Variants in AFF3 observed in about 807,000 individuals in gnomAD.
AFF3 encodes the protein AF4/FMR2 family member 3.
In AFF3, 32 loss-of-function variants were observed where a neutral mutation model predicts 129.7. The ratio of observed to expected loss-of-function variants is 0.25; its 90% CI spans 0.19 to 0.33. The LOEUF is 0.33. Among genes scored for constraint, AFF3 ranks in the 10% least tolerant of loss-of-function variants. The pLI, the probability that AFF3 is intolerant of heterozygous loss-of-function variation, is 1.00. For missense variants in AFF3, 1,373 were observed against 1,592.0 expected (o/e 0.86, Z 2.34); for synonymous variants, 644 against 635.4 (o/e 1.01, Z -0.20).
intron 7 of AFF3, among the ~76,000 whole-genome samples, chr2:99,971,865 A>C (rs186234686): frequency 6.6e-6 from 1 of 152,224 alleles, no homozygotes. Flanking sequence ...CTGGTTAAGA[A>C]AGCTTTATGG....
At chr2:99,761,296 T>C (rs1185103589) in intron 8 of AFF3, among the ~76,000 whole-genome samples, 4 of 151,964 alleles carry the variant, frequency 2.6e-5, no homozygotes, top group Non-Finnish European at 5.9e-5. Context: ...ACACAGAATA[T>C]TGCTCTTCAT....
chr2:99,660,208 G>A (rs1272612428), intron 12 of AFF3, among the ~76,000 whole-genome samples: 1 of 152,190 alleles, frequency 6.6e-6, no homozygotes, highest in African/African-American at 2.4e-5. Flanking sequence ...TAATATGAAA[G>A]CAACTAGCGC....
chr2:99,844,415 G>A (rs867115370), intron 7 of AFF3, among the ~76,000 whole-genome samples: 1 of 148,614 alleles, frequency 6.7e-6, no homozygotes, highest in East Asian at 2.0e-4. Flanking sequence ...CCATCAATAC[G>A]AGAACTATTT....
chr2:99,644,927 C>T (rs551746452), intron 13 of AFF3, among the ~76,000 whole-genome samples: 21 of 152,246 alleles, frequency 1.4e-4, no homozygotes, highest in African/African-American at 4.8e-4. Flanking sequence ...TCAAATACAC[C>T]GACCCACAAG....
At chr2:99,754,515 TTC>T (rs1681926642) in intron 8 of AFF3, among the ~76,000 whole-genome samples, 1 of 152,244 alleles carries the variant, frequency 6.6e-6, no homozygotes, top group African/African-American at 2.4e-5. Flanking sequence ...TGTGCAATTT[TTC>T]TCTGACTGTA....
intron 7 of AFF3, among the ~76,000 whole-genome samples, chr2:99,936,194 T>C (rs914187177): frequency 3.3e-5 from 5 of 152,212 alleles, no homozygotes; most frequent in Non-Finnish European, 7.4e-5. Flanking sequence ...AGGATCTCAG[T>C]TGGCTGGTAC....
At chr2:100,106,385 G>A in intron 2 of AFF3, 1 of 1,093,794 alleles carries the variant, frequency 9.1e-7, no homozygotes, top group Non-Finnish European at 1.1e-6. Flanking sequence ...AAAAAGTACA[G>A]GTGTGAAGGG....
intron 11 of AFF3, among the ~76,000 whole-genome samples, chr2:99,709,778 A>C (rs1228738032): frequency 6.6e-6 from 1 of 152,146 alleles, no homozygotes; most frequent in Non-Finnish European, 1.5e-5. Flanking sequence ...CCACAAGCAA[A>C]TAAATGACAC....
intron 11 of AFF3, among the ~76,000 whole-genome samples, chr2:99,691,149 A>G (rs1575706438): frequency 6.6e-6 from 1 of 151,834 alleles, no homozygotes; most frequent in African/African-American, 2.4e-5. Flanking sequence ...GGACTTCCTC[A>G]CCTCCTATCC....
intron 13 of AFF3, among the ~76,000 whole-genome samples, chr2:99,632,498 G>C (rs947223428): frequency 6.6e-6 from 1 of 152,130 alleles, no homozygotes; most frequent in Non-Finnish European, 1.5e-5. Flanking sequence ...CGGCAGCTAT[G>C]GTCCGTCCAG....
intron 10 of AFF3, among the ~76,000 whole-genome samples, chr2:99,734,825 A>G (rs1459517266): frequency 6.6e-6 from 1 of 152,112 alleles, no homozygotes; most frequent in Non-Finnish European, 1.5e-5. Context: ...ATACCTGTGA[A>G]TTCTTTTTCT....
chr2:99,992,711 G>T (rs959804658), intron 7 of AFF3, among the ~76,000 whole-genome samples: 3 of 152,232 alleles, frequency 2.0e-5, no homozygotes, highest in Non-Finnish European at 4.4e-5. Context: ...TTGGGCTCAG[G>T]TGTTAAGAAA....
chr2:99,850,309 C>T (rs1173574055), intron 7 of AFF3, among the ~76,000 whole-genome samples: 1 of 152,160 alleles, frequency 6.6e-6, no homozygotes, highest in South Asian at 2.1e-4. Context: ...CTGAAAGCTC[C>T]AGAGTCTAGG....
chr2:99,635,601 C>T (rs1306548553), intron 13 of AFF3, among the ~76,000 whole-genome samples: 1 of 152,090 alleles, frequency 6.6e-6, no homozygotes, highest in Non-Finnish European at 1.5e-5. Context: ...CACATCTGGC[C>T]AATTTTGTTC....
intron 8 of AFF3, among the ~76,000 whole-genome samples, chr2:99,836,837 A>T (rs1688914578): frequency 6.6e-6 from 1 of 152,180 alleles, no homozygotes; most frequent in Non-Finnish European, 1.5e-5. Flanking sequence ...ATGAGTGAAG[A>T]AAAAATATGG....
At chr2:99,665,832 A>G (rs974158286) in intron 12 of AFF3, among the ~76,000 whole-genome samples, 1 of 152,208 alleles carries the variant, frequency 6.6e-6, no homozygotes, top group Non-Finnish European at 1.5e-5. Flanking sequence ...GACCCAAACC[A>G]GGAGAGTGTG....
intron 13 of AFF3, among the ~76,000 whole-genome samples, chr2:99,619,875 G>A (rs187390443): frequency 6.6e-6 from 1 of 152,290 alleles, no homozygotes; most frequent in African/African-American, 2.4e-5. Context: ...CAGTTCCACA[G>A]CAAGGGTAAT....
At chr2:99,720,877 G>A (rs1200659101) in intron 11 of AFF3, among the ~76,000 whole-genome samples, 3 of 152,064 alleles carry the variant, frequency 2.0e-5, no homozygotes, top group Non-Finnish European at 2.9e-5. Flanking sequence ...TAGATTTAAT[G>A]TCATATCACT....
chr2:99,758,130 T>C (rs896140301), intron 8 of AFF3, among the ~76,000 whole-genome samples: 3 of 152,236 alleles, frequency 2.0e-5, no homozygotes, highest in Non-Finnish European at 4.4e-5. Flanking sequence ...CTCTCCTTTC[T>C]GTTACCTGAA....
Sources: allele counts gnomAD v4.1 joint callset (sites outside exome capture counted in the v4.1 genomes callset), GRCh38; gene constraint gnomAD v4.1.1; transcripts MANE v1.5; gene names NCBI Gene and HGNC (gene_info 2026-07-23, HGNC 2026-07-21).